SV2C: variants seen among roughly 807,000 people sequenced by gnomAD.
SV2C encodes solute carrier family 22 member B3.
Under a neutral mutation model 79.7 loss-of-function variants are expected in SV2C, and 49 were observed. That is an observed-to-expected ratio of 0.61 (90% CI 0.49 to 0.78). The LOEUF (loss-of-function observed/expected upper bound fraction) is 0.78. Ranked by LOEUF, SV2C falls within the 30% of genes least tolerant of loss-of-function variation. The pLI, the probability that SV2C is intolerant of heterozygous loss-of-function variation, is 0.00. For missense variants in SV2C, 833 were observed against 912.9 expected (o/e 0.91, Z 1.13); for synonymous variants, 334 against 333.2 (o/e 1.00, Z -0.03).
the SV2C span, among the ~76,000 whole-genome samples, chr5:75,928,696 C>T: frequency 6.6e-6 from 1 of 152,096 alleles, no homozygotes; most frequent in African/African-American, 2.4e-5. Flanking sequence ...GTGATGGAGT[C>T]ACAGAGTTTA....
chr5:76,027,065 T>TA, the SV2C span, among the ~76,000 whole-genome samples: 1 of 149,794 alleles, frequency 6.7e-6, no homozygotes, highest in African/African-American at 2.5e-5. Flanking sequence ...TTGTCTTTTT[T>TA]TTTTTTTTTT....
chr5:75,958,690 T>C, the SV2C span, among the ~76,000 whole-genome samples: 1 of 151,968 alleles, frequency 6.6e-6, no homozygotes, highest in Admixed American at 6.6e-5. Context: ...AATGGTCTCC[T>C]TGGCTCAGGA....
intron 2 of SV2C, among the ~76,000 whole-genome samples, chr5:76,162,272 G>A (rs996657274): frequency 3.9e-5 from 6 of 152,116 alleles, no homozygotes; most frequent in African/African-American, 7.2e-5. Flanking sequence ...TCCCTGAAAT[G>A]TTCAATGAAT....
intron 12 of SV2C, among the ~76,000 whole-genome samples, chr5:76,323,981 C>A (rs532541256): frequency 6.6e-6 from 1 of 151,936 alleles, no homozygotes; most frequent in African/African-American, 2.4e-5. Flanking sequence ...CAAACCTGCA[C>A]GTTCTGCACA....
chr5:76,312,901 A>G (rs955256859), intron 12 of SV2C, among the ~76,000 whole-genome samples: 8 of 152,218 alleles, frequency 5.3e-5, no homozygotes, highest in African/African-American at 1.9e-4. Context: ...AGCTAAAATC[A>G]AAACATTTTC....
intron 4 of SV2C, among the ~76,000 whole-genome samples, chr5:76,257,983 A>T (rs4703704): frequency 0.76 from 112,554 of 148,528 alleles, 42,886 homozygotes; most frequent in South Asian, 0.88. Flanking sequence ...GTGTGTGATA[A>T]ATGGGTGTAT....
At chr5:76,005,844 A>AT in the SV2C span, among the ~76,000 whole-genome samples, 1 of 152,112 alleles carries the variant, frequency 6.6e-6, no homozygotes, top group African/African-American at 2.4e-5. Flanking sequence ...TCATACTTGA[A>AT]TTTTCCCTTT....
At chr5:76,257,323 G>A (rs1461043313) in intron 4 of SV2C, among the ~76,000 whole-genome samples, 1 of 151,024 alleles carries the variant, frequency 6.6e-6, no homozygotes, top group Non-Finnish European at 1.5e-5. Flanking sequence ...GGTGTGTAGT[G>A]TGTGTGTGGT....
At chr5:76,317,140 G>T (rs1748652455) in intron 12 of SV2C, among the ~76,000 whole-genome samples, 3 of 152,172 alleles carry the variant, frequency 2.0e-5, no homozygotes. Flanking sequence ...ATTGTAATGT[G>T]ATAGCTTAGA....
At chr5:76,167,191 A>G (rs1561245370) in intron 2 of SV2C, among the ~76,000 whole-genome samples, 1 of 151,248 alleles carries the variant, frequency 6.6e-6, no homozygotes, top group Non-Finnish European at 1.5e-5. Context: ...TTAATATGTG[A>G]ATCTACACCT....
the SV2C span, among the ~76,000 whole-genome samples, chr5:76,021,754 T>C: frequency 1.3e-5 from 2 of 152,310 alleles, no homozygotes; most frequent in East Asian, 3.9e-4. Context: ...CATTTGAAAT[T>C]TCTCTACCTT....
chr5:76,242,257 A>T (rs149742761), intron 4 of SV2C: 1 of 1,124,666 alleles, frequency 8.9e-7, no homozygotes, highest in Non-Finnish European at 1.3e-6. Flanking sequence ...CCTTGGCTTT[A>T]TCTCCCTTAG....
At chr5:76,320,963 C>T (rs148986750) in intron 12 of SV2C, among the ~76,000 whole-genome samples, 253 of 152,282 alleles carry the variant, frequency 1.7e-3, no homozygotes, top group Non-Finnish European at 2.7e-3. Flanking sequence ...AAAGAAAATC[C>T]GTGCTTACTG....
At chr5:76,017,705 G>A in the SV2C span, among the ~76,000 whole-genome samples, 1 of 152,086 alleles carries the variant, frequency 6.6e-6, no homozygotes, top group East Asian at 1.9e-4. Flanking sequence ...TTGTTTTTAG[G>A]CGTGTGTTTC....
the SV2C span, among the ~76,000 whole-genome samples, chr5:75,876,902 G>A: frequency 2.6e-5 from 4 of 151,844 alleles, no homozygotes; most frequent in African/African-American, 9.7e-5. Context: ...AAAATGACAT[G>A]AAACATATAA....
the SV2C span, among the ~76,000 whole-genome samples, chr5:76,050,100 A>G: frequency 6.6e-6 from 1 of 152,204 alleles, no homozygotes; most frequent in South Asian, 2.1e-4. Context: ...AGGAATAATC[A>G]CCTAAGGTGG....
the SV2C span, among the ~76,000 whole-genome samples, chr5:75,865,585 G>A: frequency 5.3e-5 from 8 of 152,194 alleles, no homozygotes; most frequent in Non-Finnish European, 1.2e-4. Context: ...TGCGTGGAAG[G>A]AGAAGTGACC....
At chr5:75,901,460 G>T in the SV2C span, among the ~76,000 whole-genome samples, 2 of 152,198 alleles carry the variant, frequency 1.3e-5, no homozygotes, top group African/African-American at 4.8e-5. Flanking sequence ...TGTCTCAGAG[G>T]AGTACCCGGC....
upstream of SV2C, among the ~76,000 whole-genome samples, chr5:76,080,698 G>A (rs892573315): frequency 3.9e-5 from 6 of 152,162 alleles, no homozygotes; most frequent in African/African-American, 1.2e-4. Flanking sequence ...ATCACAAGAC[G>A]ACACCCTGCA....
Sources: gnomAD v4.1 joint callset for allele counts (sites outside exome capture counted in the v4.1 genomes callset) on GRCh38, gnomAD v4.1.1 for gene constraint, MANE v1.5 for transcripts, NCBI Gene and HGNC (gene_info 2026-07-23, HGNC 2026-07-21) for gene names.